Variants in DYNC2LI1 observed in about 807,000 individuals in gnomAD.
The protein encoded by DYNC2LI1 is cytoplasmic dynein 2 light intermediate chain 1.
DYNC2LI1 carries 45 observed loss-of-function variants against 51.9 expected under a neutral mutation model. The ratio of observed to expected loss-of-function variants is 0.87; its 90% CI spans 0.68 to 1.11. DYNC2LI1 has a LOEUF of 1.11. Among genes scored for constraint, DYNC2LI1 ranks in the 50% most tolerant of loss-of-function variants. The pLI is 0.00. For synonymous variants in DYNC2LI1, 130 were observed against 137.8 expected, an observed-to-expected ratio of 0.94 and a Z score of 0.40; for missense variants, 490 against 417.4, an observed-to-expected ratio of 1.17 and a Z score of -1.51.
At chr2:43,827,379 C>T in the DYNC2LI1 span, among the ~76,000 whole-genome samples, 1 of 151,912 alleles carries the variant, frequency 6.6e-6, no homozygotes, top group East Asian at 1.9e-4. Context: ...TCTTATTTGC[C>T]TTCTAGTGAC....
intron 5 of DYNC2LI1, among the ~76,000 whole-genome samples, chr2:43,791,275 CA>C (rs1252181176): frequency 6.6e-6 from 1 of 152,008 alleles, no homozygotes; most frequent in Non-Finnish European, 1.5e-5. Context: ...TTACAGTGGC[CA>C]GAGGCTGAAA....
At chr2:43,815,609 G>C in the DYNC2LI1 span, among the ~76,000 whole-genome samples, 1 of 152,158 alleles carries the variant, frequency 6.6e-6, no homozygotes, top group Admixed American at 6.5e-5. Flanking sequence ...GTGGGACTCT[G>C]GGAAGGAATT....
At chr2:43,798,619 G>T (rs1038810567) in intron 8 of DYNC2LI1, among the ~76,000 whole-genome samples, 3 of 152,200 alleles carry the variant, frequency 2.0e-5, no homozygotes, top group Admixed American at 1.3e-4. Context: ...ATGAAGTCAG[G>T]TCAACGCAGT....
the DYNC2LI1 span, chr2:43,824,047 C>G: frequency 6.2e-7 from 1 of 1,614,208 alleles, no homozygotes; most frequent in Non-Finnish European, 8.5e-7. Flanking sequence ...GAGGAACAAA[C>G]CCATGATCAG....
In DYNC2LI1 at chr2:43,776,906, CT is replaced by C; in HGVS notation, c.126+10del. 1 of 1,374,736 alleles carries C rather than the reference CT, an allele frequency of 7.3e-7. No individual in the cohort carries two copies. Among genetic ancestry groups the C allele is most frequent in the Non-Finnish European group, 1.0e-6 (1 of 976,196 alleles). 85.2% of individuals were successfully genotyped at this position (1,374,736 alleles called of 1,614,324 possible). A position where few individuals can be genotyped will look rare whatever the true frequency, so the allele number is the denominator to read the frequency against. On this transcript the variant is annotated splice_region_variant and intron_variant, in intron 2 of 12. Transcript: ENST00000260605. ...CATTGGCAGTAAAAATGGGGTAATGCTTTCTTTTTTTCAATTATTGTGATGA... is the reference window on the plus strand; with the variant it reads ...CATTGGCAGTAAAAATGGGGTAATGCTTCTTTTTTTCAATTATTGTGATGA...
At chr2:43,821,480 A>G in the DYNC2LI1 span, among the ~76,000 whole-genome samples, 1 of 152,108 alleles carries the variant, frequency 6.6e-6, no homozygotes, top group Non-Finnish European at 1.5e-5. Flanking sequence ...GTCTGAGGAC[A>G]CCCTCTCTGA....
intron 9 of DYNC2LI1, 61 bp downstream of exon 9, chr2:43,800,978 A>G (rs1028614896): frequency 5.8e-5 from 67 of 1,152,702 alleles, no homozygotes; most frequent in Non-Finnish European, 8.0e-5. Context: ...ATGTTGTCTC[A>G]TCTGATTATT....
chr2:43,825,323 G>C, the DYNC2LI1 span, among the ~76,000 whole-genome samples: 3 of 152,154 alleles, frequency 2.0e-5, no homozygotes, highest in Non-Finnish European at 2.9e-5. Context: ...GGACCTGGGC[G>C]TAAGTCCCAG....
At position 43,805,186 on chromosome 2, in the gene DYNC2LI1, T is replaced by C; in HGVS notation, c.933T>C (p.Pro311=). The change falls in exon 12 of 13, where the codon CCT becomes CCC. Residue 311 remains proline, a synonymous_variant. Transcript: ENST00000260605. ...SINTLKDIKD[P]ARDPQYAENE... ...ACACGCTGAAAGATATCAAGGACCC[T>C]GCGAGAGATCCTCAGTATGCTGAAA... 1 of 1,612,370 alleles carries C rather than the reference T, an allele frequency of 6.2e-7. No homozygotes were observed. Among genetic ancestry groups the C allele is most frequent in the Non-Finnish European group, 8.5e-7 (1 of 1,178,700 alleles).
chr2:43,794,783 C>T lies in DYNC2LI1; in HGVS notation c.507+140C>T, dbSNP rs528204878. 17 of 1,511,586 alleles carry T rather than the reference C, an allele frequency of 1.1e-5. No homozygotes were observed. In the Admixed American group the frequency reaches 1.4e-4, roughly 12 times the overall value. 93.6% of individuals were successfully genotyped at this position (1,511,586 alleles called of 1,614,324 possible). A position where few individuals can be genotyped will look rare whatever the true frequency, so the allele number is the denominator to read the frequency against. ...GATGAACCTGTTCACTGGAAAATTA[C>T]AGCAATTTATTAAAACCTCAGTAAG... On this transcript the variant is annotated intron_variant, in intron 6 of 12. Transcript: ENST00000260605.
At chr2:43,800,996 T>C (rs1332028471) in intron 9 of DYNC2LI1, 79 bp downstream of exon 9, 54 of 901,126 alleles carry the variant, frequency 6.0e-5, no homozygotes, top group Non-Finnish European at 7.1e-5. Context: ...ATTGTTCTAC[T>C]CAGTCTCTTG....
At chr2:43,795,474 A>G (rs1490488276) in intron 6 of DYNC2LI1, among the ~76,000 whole-genome samples, 1 of 152,098 alleles carries the variant, frequency 6.6e-6, no homozygotes, top group Non-Finnish European at 1.5e-5. Flanking sequence ...ACTACACTCC[A>G]GCCTGACTCC....
chr2:43,823,982 G>C, the DYNC2LI1 span: 4 of 1,614,062 alleles, frequency 2.5e-6, no homozygotes, highest in African/African-American at 2.7e-5. Context: ...AGACCTACGC[G>C]GTCCTGGATA....
At chr2:43,810,281 C>G, downstream of DYNC2LI1, 1 of 819,918 alleles carries the variant, frequency 1.2e-6, no homozygotes, top group Non-Finnish European at 1.5e-6. Context: ...CCTAGAGTGT[C>G]GCCATCAGTG....
chr2:43,817,024 T>C, the DYNC2LI1 span, among the ~76,000 whole-genome samples: 2 of 152,290 alleles, frequency 1.3e-5, no homozygotes, highest in Non-Finnish European at 2.9e-5. Flanking sequence ...AGATGATGAC[T>C]GGGGAGAAAA....
chr2:43,803,219 G>T (rs1030802381), intron 10 of DYNC2LI1, among the ~76,000 whole-genome samples: 3 of 152,100 alleles, frequency 2.0e-5, no homozygotes, highest in African/African-American at 7.2e-5. Flanking sequence ...AAATCTCTAG[G>T]CATATGTTCA....
chr2:43,823,135 GCAATA>G, the DYNC2LI1 span, among the ~76,000 whole-genome samples: 2 of 152,158 alleles, frequency 1.3e-5, no homozygotes, highest in Non-Finnish European at 2.9e-5. Flanking sequence ...TACCAGAATT[GCAATA>G]CAATTGCAAA....
chr2:43,824,567 A>C, the DYNC2LI1 span: 7 of 1,565,154 alleles, frequency 4.5e-6, no homozygotes, highest in Non-Finnish European at 6.0e-6. Context: ...ATGCCCACCT[A>C]TAAAATCAGA....
At chr2:43,783,385 T>C in intron 2 of DYNC2LI1, 135 bp from the exon 3 acceptor site, 1 of 709,028 alleles carries the variant, frequency 1.4e-6, no homozygotes, top group African/African-American at 1.9e-5. Context: ...ATTCCGAAAG[T>C]TTCTAGTTTT....
Sources: allele counts gnomAD v4.1 joint callset (sites outside exome capture counted in the v4.1 genomes callset), GRCh38; gene constraint gnomAD v4.1.1; transcripts MANE v1.5; gene names NCBI Gene and HGNC (gene_info 2026-07-23, HGNC 2026-07-21).